DLGAP2: variants seen among roughly 807,000 people sequenced by gnomAD.
The protein encoded by DLGAP2 is DLG associated protein 2, also known as disks large-associated protein 2.
In DLGAP2, 26 loss-of-function variants were observed where a neutral mutation model predicts 100.3. The ratio of observed to expected loss-of-function variants is 0.26; its 90% CI spans 0.19 to 0.36. The LOEUF (loss-of-function observed/expected upper bound fraction) is 0.36, where lower values mean the gene tolerates loss of function less well. Among genes scored for constraint, DLGAP2 ranks in the 10% least tolerant of loss-of-function variants. DLGAP2 has a pLI of 1.00. For missense variants in DLGAP2, 1,858 were observed against 1,453.2 expected, an observed-to-expected ratio of 1.28 and a Z score of -4.53; for synonymous variants, 886 against 630.1, an observed-to-expected ratio of 1.41 and a Z score of -6.08.
chr8:1,516,867 G>T (rs1244201217), intron 4 of DLGAP2, among the ~76,000 whole-genome samples: 1 of 152,222 alleles, frequency 6.6e-6, no homozygotes, highest in Non-Finnish European at 1.5e-5. Flanking sequence ...TTTTAAGCAG[G>T]TGAAACTCCC....
At chr8:787,622 G>A (rs1048365153) in intron 1 of DLGAP2, among the ~76,000 whole-genome samples, 4 of 152,218 alleles carry the variant, frequency 2.6e-5, no homozygotes, top group Non-Finnish European at 5.9e-5. Context: ...CCCGGAGTCA[G>A]GTTCCACCAG....
chr8:980,556 C>T (rs1306796914), intron 2 of DLGAP2, among the ~76,000 whole-genome samples: 2 of 152,194 alleles, frequency 1.3e-5, no homozygotes, highest in Admixed American at 1.3e-4. Flanking sequence ...TTCGCCAATT[C>T]ATTCGCTCAA....
At chr8:1,188,394 C>A (rs1341539679) in intron 2 of DLGAP2, among the ~76,000 whole-genome samples, 1 of 120,622 alleles carries the variant, frequency 8.3e-6, no homozygotes, top group Non-Finnish European at 1.6e-5. Flanking sequence ...ACACCCGGGA[C>A]CTCCATGACA....
intron 1 of DLGAP2, among the ~76,000 whole-genome samples, chr8:899,473 A>G (rs1404025511): frequency 6.6e-6 from 1 of 152,248 alleles, no homozygotes; most frequent in Non-Finnish European, 1.5e-5. Flanking sequence ...TACACGGGGT[A>G]CATGACTGGC....
At chr8:1,286,935 G>A (rs7814902) in intron 3 of DLGAP2, among the ~76,000 whole-genome samples, 78,864 of 152,158 alleles carry the variant, frequency 0.52, 20,621 homozygotes, top group South Asian at 0.57. Flanking sequence ...TGCTTGAACT[G>A]GCCATCAGCA....
intron 2 of DLGAP2, among the ~76,000 whole-genome samples, chr8:950,546 C>G (rs1040227371): frequency 5.3e-5 from 8 of 152,118 alleles, no homozygotes; most frequent in African/African-American, 1.9e-4. Flanking sequence ...AAATCTAAAC[C>G]TGACCTGTTC....
chr8:1,052,066 G>T (rs759870322), intron 2 of DLGAP2, among the ~76,000 whole-genome samples: 5 of 152,116 alleles, frequency 3.3e-5, no homozygotes, highest in Admixed American at 1.3e-4. Context: ...GCCAGCACGC[G>T]CCTGCCAACT....
At chr8:1,160,095 C>T (rs1796861028) in intron 2 of DLGAP2, among the ~76,000 whole-genome samples, 1 of 152,220 alleles carries the variant, frequency 6.6e-6, no homozygotes, top group Non-Finnish European at 1.5e-5. Flanking sequence ...CTCCCACAGC[C>T]CGGAAGCTGA....
At chr8:1,639,966 C>A (rs1797858234) in intron 8 of DLGAP2, among the ~76,000 whole-genome samples, 1 of 152,206 alleles carries the variant, frequency 6.6e-6, no homozygotes, top group South Asian at 2.1e-4. Flanking sequence ...TGCAAAGTCC[C>A]TTTTGCCACA....
chr8:1,550,406 A>G (rs1229226477), intron 5 of DLGAP2, among the ~76,000 whole-genome samples: 5 of 152,100 alleles, frequency 3.3e-5, no homozygotes, highest in African/African-American at 9.7e-5. Flanking sequence ...CCTTGGAACC[A>G]TCCCTCTAAA....
intron 4 of DLGAP2, among the ~76,000 whole-genome samples, chr8:1,521,125 C>T (rs1317152852): frequency 6.6e-6 from 1 of 151,102 alleles, no homozygotes; most frequent in Non-Finnish European, 1.5e-5. Flanking sequence ...GTCTGGTTTG[C>T]ACACTTGTTT....
At position 1,549,410 on chromosome 8, in the gene DLGAP2, C is replaced by A. The variant is rs182739926; in HGVS notation, c.957C>A (p.His319Gln). 6.2e-7 allele frequency: 1 copy of A among 1,613,472 alleles called. No homozygotes were observed. Among genetic ancestry groups the A allele is most frequent in the South Asian group, 1.1e-5 (1 of 91,072 alleles). Residue 319 changes from histidine (H) to glutamine (Q), a missense_variant, in exon 5 of 15, where the codon CAC (histidine) becomes CAA (glutamine). His to Gln is a conservative substitution (Grantham distance 24, BLOSUM62 0). Coordinates refer to ENST00000637795, the MANE Select transcript of DLGAP2 (RefSeq NM_001346810.2). Reference protein sequence around the residue: ...YRTPSVLNRHHLGPVAHCYPD... With the variant: ...YRTPSVLNRHQLGPVAHCYPD... ...CGCCCAGCGTGCTCAACCGGCACCA[C>A]CTGGGCCCCGTGGCCCACTGCTACC...
chr8:1,003,871 A>T (rs1244102496), intron 2 of DLGAP2, among the ~76,000 whole-genome samples: 1 of 152,228 alleles, frequency 6.6e-6, no homozygotes, highest in Non-Finnish European at 1.5e-5. Flanking sequence ...ATGATACCAC[A>T]AGCCATACAG....
intron 2 of DLGAP2, among the ~76,000 whole-genome samples, chr8:1,230,497 C>G (rs987833656): frequency 2.0e-5 from 3 of 152,046 alleles, no homozygotes; most frequent in Admixed American, 6.6e-5. Flanking sequence ...TTTCACAGAA[C>G]TAGAAAAAAA....
At chr8:1,362,239 T>C (rs1175051018) in intron 3 of DLGAP2, among the ~76,000 whole-genome samples, 1 of 152,060 alleles carries the variant, frequency 6.6e-6, no homozygotes, top group East Asian at 1.9e-4. Context: ...GGACCTGGTG[T>C]TCCCCACAGT....
intron 4 of DLGAP2, among the ~76,000 whole-genome samples, chr8:1,530,243 T>A (rs1448681452): frequency 6.6e-6 from 1 of 152,164 alleles, no homozygotes; most frequent in African/African-American, 2.4e-5. Flanking sequence ...GGGCTGTTTA[T>A]AAGCCTATAC....
chr8:1,336,147 T>C (rs1211921499), intron 3 of DLGAP2, among the ~76,000 whole-genome samples: 1 of 152,228 alleles, frequency 6.6e-6, no homozygotes, highest in East Asian at 1.9e-4. Flanking sequence ...ACCCCATGGG[T>C]CCCTCCTTTC....
chr8:1,542,432 A>G (rs972233478), intron 4 of DLGAP2, among the ~76,000 whole-genome samples: 5 of 152,182 alleles, frequency 3.3e-5, no homozygotes, highest in Non-Finnish European at 7.3e-5. Context: ...GGAATCAACA[A>G]TCTGTTTTCC....
intron 1 of DLGAP2, among the ~76,000 whole-genome samples, chr8:881,666 A>ATGTGTATATATAT: frequency 7.6e-6 from 1 of 131,044 alleles, no homozygotes; most frequent in Non-Finnish European, 1.7e-5. Flanking sequence ...CTTGTGGCTG[A>ATGTGTATATATAT]ACACACACAC....
Sources: gnomAD v4.1 joint callset for allele counts (sites outside exome capture counted in the v4.1 genomes callset) on GRCh38, gnomAD v4.1.1 for gene constraint, MANE v1.5 for transcripts, NCBI Gene and HGNC (gene_info 2026-07-23, HGNC 2026-07-21) for gene names.